Variants in CELF2 observed in about 807,000 individuals in gnomAD.
CELF2 encodes CUGBP Elav-like family member 2.
In CELF2, 8 loss-of-function variants were observed where a neutral mutation model predicts 62.6. That is an observed-to-expected ratio of 0.13 (90% CI 0.07 to 0.23). The LOEUF (loss-of-function observed/expected upper bound fraction) is 0.23, where lower values mean the gene tolerates loss of function less well. Among genes scored for constraint, CELF2 ranks in the 10% least tolerant of loss-of-function variants. The pLI is 1.00. For synonymous variants in CELF2, 258 were observed against 250.0 expected (o/e 1.03, Z -0.30); for missense variants, 333 against 671.0 (o/e 0.50, Z 5.56).
the CELF2 span, among the ~76,000 whole-genome samples, chr10:10,696,961 G>GA: frequency 6.6e-6 from 1 of 152,180 alleles, no homozygotes; most frequent in African/African-American, 2.4e-5. Context: ...CTCACGCTGG[G>GA]AGCTGTAGAG....
the CELF2 span, among the ~76,000 whole-genome samples, chr10:10,685,854 G>A: frequency 6.6e-6 from 1 of 152,186 alleles, no homozygotes; most frequent in Non-Finnish European, 1.5e-5. Context: ...TTTAGAAGGT[G>A]TCTAATCTAG....
intron 2 of CELF2, among the ~76,000 whole-genome samples, chr10:10,963,840 A>T (rs1056677701): frequency 9.2e-5 from 14 of 152,158 alleles, no homozygotes; most frequent in Admixed American, 7.9e-4. Flanking sequence ...TAGATGCAGC[A>T]ATGGATTCTC....
rs2074434252 is a variant in CELF2 at position 11,242,977 on chromosome 10, G to A, written c.355-6176G>A. Among the ~76,000 whole-genome samples, 1 of 152,172 alleles carries A rather than the reference G, an allele frequency of 6.6e-6. No homozygotes were observed. The highest frequency in any genetic ancestry group is 1.5e-5 in the Non-Finnish European group (1 of 68,034). On this transcript the variant is annotated intron_variant, in intron 3 of 12. Transcript: ENST00000633077. The surrounding 1 kb of genome is among the most constrained non-coding windows in gnomAD (Gnocchi z 4.8). ...GGTCAGAACCAAACCACTGCGTGCTGTCGTGGGTGCAGAAGCTTAGCTTTG... is the reference window on the plus strand; with the variant it reads ...GGTCAGAACCAAACCACTGCGTGCTATCGTGGGTGCAGAAGCTTAGCTTTG...
At chr10:10,831,856 C>T (rs1352649850) in intron 1 of CELF2, among the ~76,000 whole-genome samples, 2 of 152,112 alleles carry the variant, frequency 1.3e-5, no homozygotes, top group Non-Finnish European at 2.9e-5. Context: ...CTTGTAATCC[C>T]AGCTACTCAG....
At chr10:10,512,287 A>C in the CELF2 span, among the ~76,000 whole-genome samples, 1 of 152,098 alleles carries the variant, frequency 6.6e-6, no homozygotes, top group African/African-American at 2.4e-5. Context: ...GCATGGCACC[A>C]CATGTCAACA....
intron 2 of CELF2, among the ~76,000 whole-genome samples, chr10:11,213,556 T>C (rs745388756): frequency 3.3e-5 from 5 of 152,216 alleles, no homozygotes; most frequent in Non-Finnish European, 7.3e-5. Flanking sequence ...TAATGATATT[T>C]CTCTCTTTGT....
chr10:10,958,055 G>C (rs1451218012), intron 2 of CELF2, among the ~76,000 whole-genome samples: 1 of 152,170 alleles, frequency 6.6e-6, no homozygotes, highest in Non-Finnish European at 1.5e-5. Context: ...AGTGAGTCTA[G>C]CAGAAAGCTC....
At chr10:10,737,662 G>A in the CELF2 span, among the ~76,000 whole-genome samples, 1 of 151,826 alleles carries the variant, frequency 6.6e-6, no homozygotes, top group Non-Finnish European at 1.5e-5. Flanking sequence ...AAATCATCTT[G>A]TCTCTTCCTC....
Position 11,237,590 on chromosome 10 carries a change from G to A in CELF2, c.355-11563G>A, listed in dbSNP as rs1423319227. ...CAAGGGGAGCCCAGGTGCAAGGGCT[G>A]CTTCAGCCCCACTAGCATCTCCACA... On this transcript the variant is annotated intron_variant, in intron 3 of 12. Transcript: ENST00000633077. This position sits in a 1 kb window ranked among gnomAD's most constrained non-coding sequence, Gnocchi z 4.0. Among the ~76,000 whole-genome samples the A allele has an allele frequency of 6.6e-6, 1 of 152,236 alleles. No individual in the cohort carries two copies. Among genetic ancestry groups the A allele is most frequent in the Non-Finnish European group, 1.5e-5 (1 of 68,038 alleles).
At chr10:11,166,903 G>A (rs2067394219) in intron 2 of CELF2, among the ~76,000 whole-genome samples, 1 of 152,220 alleles carries the variant, frequency 6.6e-6, no homozygotes, top group Non-Finnish European at 1.5e-5. Flanking sequence ...GTCTGGCAGG[G>A]CTTTGGAAGC....
At chr10:11,142,205 T>C (rs757707818) in intron 1 of CELF2, among the ~76,000 whole-genome samples, 3 of 152,236 alleles carry the variant, frequency 2.0e-5, no homozygotes, top group Non-Finnish European at 4.4e-5. Flanking sequence ...AACTTGTTTC[T>C]TGATGGGAGC....
At chr10:11,196,182 C>T (rs904073271) in intron 2 of CELF2, among the ~76,000 whole-genome samples, 1 of 152,190 alleles carries the variant, frequency 6.6e-6, no homozygotes, top group Non-Finnish European at 1.5e-5. Flanking sequence ...TTAGACCAGT[C>T]GTCCCACAGT....
At chr10:11,055,698 T>G (rs1282148088) in intron 1 of CELF2, among the ~76,000 whole-genome samples, 1 of 152,236 alleles carries the variant, frequency 6.6e-6, no homozygotes, top group African/African-American at 2.4e-5. Flanking sequence ...TCTCCCAAAC[T>G]CTTGATAGCG....
the CELF2 span, among the ~76,000 whole-genome samples, chr10:10,650,905 T>C: frequency 6.6e-6 from 1 of 151,936 alleles, no homozygotes; most frequent in Non-Finnish European, 1.5e-5. Context: ...GGTCTACAGC[T>C]CCCAGCGTGA....
Position 11,008,166 on chromosome 10 carries a change from C to T in CELF2, c.53+2726C>T, listed in dbSNP as rs1207130225. 6.6e-6 allele frequency among the ~76,000 whole-genome samples: 1 copy of T among 152,172 alleles called. No homozygotes were observed. The highest frequency in any genetic ancestry group is 1.5e-5 in the Non-Finnish European group (1 of 68,042). On this transcript the variant is annotated intron_variant, in intron 1 of 12. Transcript: ENST00000416382. This position sits in a 1 kb window ranked among gnomAD's most constrained non-coding sequence, Gnocchi z 4.5. Reference sequence around the variant, plus strand: ...TAAGCCTCTATATGTAATGATTCCTCAAGGTAGTGACTTTAACAAATGTTG... The same window carrying T: ...TAAGCCTCTATATGTAATGATTCCTTAAGGTAGTGACTTTAACAAATGTTG...
At chr10:10,702,439 C>T in the CELF2 span, among the ~76,000 whole-genome samples, 3 of 152,206 alleles carry the variant, frequency 2.0e-5, no homozygotes, top group African/African-American at 2.4e-5. Context: ...AAATAAATCA[C>T]TGTAGTTGTG....
At chr10:10,861,682 G>A (rs1280706041) in intron 1 of CELF2, among the ~76,000 whole-genome samples, 2 of 152,048 alleles carry the variant, frequency 1.3e-5, no homozygotes, top group Middle Eastern at 3.2e-3. Flanking sequence ...GCAAGAATTG[G>A]ATATTCCTGT....
At chr10:10,759,296 CTTTTTTTTT>C in the CELF2 span, among the ~76,000 whole-genome samples, 2 of 120,904 alleles carry the variant, frequency 1.7e-5, no homozygotes, top group Admixed American at 9.5e-5. Context: ...GCCCATTTTT[CTTTTTTTTT>C]TTTTTTTTTT....
the CELF2 span, among the ~76,000 whole-genome samples, chr10:10,545,060 T>C: frequency 6.6e-6 from 1 of 152,184 alleles, no homozygotes; most frequent in Non-Finnish European, 1.5e-5. Flanking sequence ...TTCCCTTTGA[T>C]ACACGCGTAG....
Sources: allele counts gnomAD v4.1 joint callset (sites outside exome capture counted in the v4.1 genomes callset), GRCh38; gene constraint gnomAD v4.1.1; non-coding constraint Gnocchi (gnomAD v3.1); transcripts MANE v1.5; gene names NCBI Gene and HGNC (gene_info 2026-07-23, HGNC 2026-07-21).